The following PCDH11X variants were observed in gnomAD, a reference collection of about 807,000 sequenced individuals.
The protein encoded by PCDH11X is protocadherin 11 X-linked, also known as protocadherin-11 X-linked.
A neutral mutation model predicts 53.3 loss-of-function variants in PCDH11X; 18 were observed. The ratio of observed to expected loss-of-function variants is 0.34; its 90% confidence interval spans 0.23 to 0.50. PCDH11X has a LOEUF of 0.50. PCDH11X is among the 20% of genes least tolerant of loss of function. The pLI is 0.98. For synonymous variants in PCDH11X, 279 were observed against 393.3 expected (o/e 0.71, Z 3.44); for missense variants, 570 against 1,032.4 (o/e 0.55, Z 6.14).
chrX:92,514,761 C>T (rs961917482), intron 10 of PCDH11X, among the ~76,000 whole-genome samples: 2 of 104,185 alleles, frequency 1.9e-5, no homozygotes, highest in East Asian at 3.1e-4. Context: ...AAAAATTAAT[C>T]ACCCGGCCGG....
At position 92,313,995 on chromosome X, in the gene PCDH11X, T is replaced by C. The variant is rs1353909167; in HGVS notation, c.3144+50852T>C. Among the ~76,000 whole-genome samples the C allele has an allele frequency of 2.7e-5, 3 of 111,468 alleles. No homozygotes were observed. In the Admixed American group the frequency reaches 2.9e-4, roughly 11 times the overall value. On this transcript the variant is annotated intron_variant, in intron 8 of 10. Coordinates refer to ENST00000682573, the MANE Select transcript of PCDH11X (RefSeq NM_032968.5). Reference sequence around the variant, plus strand: ...ACACTACTGTAGACTTTATCAACACTGTACACTTAGGATACACTAAATCGA... The same window carrying C: ...ACACTACTGTAGACTTTATCAACACCGTACACTTAGGATACACTAAATCGA...
intron 6 of PCDH11X, among the ~76,000 whole-genome samples, chrX:91,939,956 ACT>A (rs758033726): frequency 1.3e-4 from 14 of 110,256 alleles, no homozygotes; most frequent in Non-Finnish European, 2.7e-4. Context: ...GTATCATTAA[ACT>A]CTCTGATATA....
chrX:92,470,355 T>C (rs1490607576), intron 10 of PCDH11X, among the ~76,000 whole-genome samples: 1 of 100,795 alleles, frequency 9.9e-6, no homozygotes, highest in Non-Finnish European at 2.0e-5. Flanking sequence ...TTGTGGACTC[T>C]TTAGGTTTTT....
rs766935303 is a variant in PCDH11X at position 91,878,840 on chromosome X, T to G, written c.2600T>G (p.Met867Arg). 1.7e-6 allele frequency: 2 copies of G among 1,211,067 alleles called. No individual in the cohort carries two copies. The highest frequency in any genetic ancestry group is 3.5e-5 in the South Asian group (2 of 56,930). The change falls in exon 6 of 11, where the codon ATG (methionine) becomes AGG (arginine). Residue 867 changes from methionine to arginine, a missense_variant. This residue lies in a region of PCDH11X where 226 missense variants were observed against 457.5 expected (regional missense o/e 0.49). Transcript: ENST00000682573. ...PNPENRQMIM[M>R]KKKKKKKKHS... ...CCAGAAAACAGGCAGATGATAATGATGAAGAAAAAGAAAAAGAAGAAGAAG... is the reference window on the plus strand; with the variant it reads ...CCAGAAAACAGGCAGATGATAATGAGGAAGAAAAAGAAAAAGAAGAAGAAG...
intron 10 of PCDH11X, among the ~76,000 whole-genome samples, chrX:92,480,997 C>T (rs1346852152): frequency 9.0e-6 from 1 of 110,583 alleles, no homozygotes; most frequent in Non-Finnish European, 1.9e-5. Context: ...TGCATGTGGT[C>T]ATACTGGTGG....
Position 92,219,076 on chromosome X carries a change from C to A in PCDH11X, c.3114+17621C>A, listed in dbSNP as rs780454020. Among the ~76,000 whole-genome samples the A allele has an allele frequency of 5.4e-5, 6 of 110,771 alleles. No homozygotes were observed. The South Asian group carries it at 2.3e-3, about 42-fold the overall frequency. ...ATAATTAGAGCTATCTATGACAAAC[C>A]CATGGCCAATATCATACTGAATGGG... On this transcript the variant is annotated intron_variant, in intron 7 of 10. Coordinates refer to ENST00000682573, the MANE Select transcript of PCDH11X (RefSeq NM_032968.5).
chrX:91,881,935 G>A (rs966445291), intron 6 of PCDH11X, among the ~76,000 whole-genome samples: 5 of 111,394 alleles, frequency 4.5e-5, no homozygotes, highest in African/African-American at 1.6e-4. Context: ...TTCATTACTC[G>A]TCTGAATAGA....
intron 5 of PCDH11X, among the ~76,000 whole-genome samples, chrX:91,843,861 CT>C (rs920726647): frequency 6.3e-5 from 7 of 111,325 alleles, no homozygotes; most frequent in Non-Finnish European, 1.3e-4. Context: ...GAAATAAAAC[CT>C]TTTGATGACA....
chrX:92,416,062 G>A (rs1334737116), intron 9 of PCDH11X, among the ~76,000 whole-genome samples: 1 of 111,065 alleles, frequency 9.0e-6, no homozygotes, highest in African/African-American at 3.3e-5. Context: ...GCTATTGTGT[G>A]TATATATGTG....
intron 6 of PCDH11X, among the ~76,000 whole-genome samples, chrX:91,888,171 A>T (rs1365201443): frequency 8.9e-6 from 1 of 112,085 alleles, no homozygotes; most frequent in Non-Finnish European, 1.9e-5. Flanking sequence ...AGTGAAAAAA[A>T]TCACAAATCA....
At chrX:91,823,225 T>C (rs1194889914) in intron 4 of PCDH11X, among the ~76,000 whole-genome samples, 1 of 110,815 alleles carries the variant, frequency 9.0e-6, no homozygotes, top group East Asian at 2.8e-4. Context: ...TTCCTGGGTA[T>C]CCTTGTTGAC....
intron 10 of PCDH11X, among the ~76,000 whole-genome samples, chrX:92,576,001 T>C (rs1922889640): frequency 2.6e-5 from 1 of 38,329 alleles, no homozygotes; most frequent in Non-Finnish European, 5.1e-5. Context: ...TATATATATA[T>C]ATATATATAT....
intron 6 of PCDH11X, chrX:91,883,571 C>T (rs1393457187): frequency 2.5e-5 from 17 of 693,423 alleles, no homozygotes; most frequent in Non-Finnish European, 2.9e-5. Flanking sequence ...TTTGGGAGGC[C>T]GAGGCGGGTG....
At chrX:92,587,990 A>G (rs1569507766) in intron 10 of PCDH11X, among the ~76,000 whole-genome samples, 1 of 107,396 alleles carries the variant, frequency 9.3e-6, no homozygotes, top group Non-Finnish European at 1.9e-5. Flanking sequence ...AGAGGCTAAT[A>G]TATTTCTCTA....
rs780722269 is a variant in PCDH11X at position 91,878,738 on chromosome X, T to C, written c.2498T>C (p.Val833Ala). 6.6e-6 allele frequency: 8 copies of C among 1,208,281 alleles called. No homozygotes were observed. In the East Asian group the frequency reaches 1.2e-4, roughly 18 times the overall value. ...TVVVVIFITAVVRCRQAPHLK... is the reference protein window; with the variant it reads ...TVVVVIFITAAVRCRQAPHLK... ...GTTGTAGTTATTTTCATCACTGCTGTAGTAAGATGTCGCCAGGCACCACAC... is the reference window on the plus strand; with the variant it reads ...GTTGTAGTTATTTTCATCACTGCTGCAGTAAGATGTCGCCAGGCACCACAC... The change falls in exon 6 of 11, where the codon GTA becomes GCA. Residue 833 changes from valine to alanine, a missense_variant. Physicochemically the swap from Val to Ala is moderately conservative, Grantham distance 64 (BLOSUM62 0). Around this residue, in one of 6 missense-constraint regions of PCDH11X, gnomAD observed 226 missense variants for 457.5 expected, o/e 0.49. Coordinates refer to ENST00000682573, the MANE Select transcript of PCDH11X (RefSeq NM_032968.5).
At chrX:91,998,924 A>T (rs758848705) in intron 6 of PCDH11X, among the ~76,000 whole-genome samples, 38 of 107,200 alleles carry the variant, frequency 3.5e-4, no homozygotes, top group East Asian at 1.2e-3. Flanking sequence ...ATTTTATTTT[A>T]TTTTTTTTGA....
intron 8 of PCDH11X, among the ~76,000 whole-genome samples, chrX:92,310,421 A>G (rs1204557524): frequency 2.6e-4 from 29 of 111,056 alleles, no homozygotes; most frequent in African/African-American, 9.2e-4. Flanking sequence ...ATTTTATTTT[A>G]TTTTTGAGAT....
chrX:92,167,963 A>G (rs2065761628), intron 6 of PCDH11X, among the ~76,000 whole-genome samples: 1 of 105,999 alleles, frequency 9.4e-6, no homozygotes, highest in Non-Finnish European at 1.9e-5. Flanking sequence ...TTACTTTGCC[A>G]ACAAATTTAG....
At chrX:91,818,391 T>C (rs1713280245) in intron 4 of PCDH11X, among the ~76,000 whole-genome samples, 2 of 110,707 alleles carry the variant, frequency 1.8e-5, no homozygotes, top group Admixed American at 1.9e-4. Context: ...TATCTGAATG[T>C]ATTACTCACT....
Sources: allele counts gnomAD v4.1 joint callset (sites outside exome capture counted in the v4.1 genomes callset), GRCh38; gene constraint gnomAD v4.1.1; regional missense constraint gnomAD v4.1.1; transcripts MANE v1.5; gene names NCBI Gene and HGNC (gene_info 2026-07-23, HGNC 2026-07-21).